Variants in LSMEM2 observed in about 807,000 individuals in gnomAD.
The protein encoded by LSMEM2 is leucine rich single-pass membrane protein 2.
A neutral mutation model predicts 17.3 loss-of-function variants in LSMEM2; 20 were observed. That is an observed-to-expected ratio of 1.16 (90% CI 0.81 to 1.68). LSMEM2 has a LOEUF of 1.68. Ranked by LOEUF, LSMEM2 falls within the 40% of genes most tolerant of loss-of-function variation. LSMEM2 has a pLI of 0.00. For synonymous variants in LSMEM2, 94 were observed against 97.8 expected, an observed-to-expected ratio of 0.96 and a Z score of 0.23; for missense variants, 207 against 214.3, an observed-to-expected ratio of 0.97 and a Z score of 0.21.
At chr3:50,286,956 TGCA>T in intron 3 of LSMEM2, 94 bp downstream of exon 3, 2 of 1,584,514 alleles carry the variant, frequency 1.3e-6, no homozygotes, top group Non-Finnish European at 1.7e-6. Context: ...CTGCAGATGC[TGCA>T]GCAGTGAAGG....
intron 1 of LSMEM2, among the ~76,000 whole-genome samples, chr3:50,282,468 A>G (rs1553707885): frequency 6.6e-6 from 1 of 152,226 alleles, no homozygotes; most frequent in African/African-American, 2.4e-5. Context: ...CCTTGCTCCT[A>G]TCTGGAGGTG....
At chr3:50,280,177 C>CATTTTT (rs371839915) in intron 1 of LSMEM2, among the ~76,000 whole-genome samples, 2 of 117,672 alleles carry the variant, frequency 1.7e-5, no homozygotes, top group African/African-American at 7.0e-5. Flanking sequence ...CTGGCCTCAA[C>CATTTTT]TTTTTTTTTT....
intron 1 of LSMEM2, among the ~76,000 whole-genome samples, chr3:50,283,559 G>A (rs1257765081): frequency 6.6e-6 from 1 of 151,446 alleles, no homozygotes; most frequent in Non-Finnish European, 1.5e-5. Context: ...CCTGGGAGGC[G>A]GAGCTTGCAG....
intron 1 of LSMEM2, among the ~76,000 whole-genome samples, chr3:50,285,980 A>AAAAC (rs1701511146): frequency 1.3e-5 from 2 of 152,256 alleles, no homozygotes; most frequent in Non-Finnish European, 2.9e-5. Context: ...ATGTTGAATG[A>AAAAC]AAACAGCAGG....
upstream of LSMEM2, among the ~76,000 whole-genome samples, chr3:50,278,199 A>G (rs587613668): frequency 8.7e-4 from 133 of 152,312 alleles, no homozygotes; most frequent in African/African-American, 3.0e-3. Context: ...TGAGGTGTGT[A>G]GGAAGTAGAG....
intron 1 of LSMEM2, among the ~76,000 whole-genome samples, chr3:50,281,022 AGT>A (rs1434162915): frequency 3.9e-5 from 6 of 152,036 alleles, no homozygotes; most frequent in African/African-American, 1.2e-4. Flanking sequence ...CAATTTAGAA[AGT>A]GTGAGAAAAG....
intron 1 of LSMEM2, among the ~76,000 whole-genome samples, chr3:50,283,406 T>C (rs915016454): frequency 6.6e-6 from 1 of 151,886 alleles, no homozygotes; most frequent in Non-Finnish European, 1.5e-5. Flanking sequence ...GGCAGACGGA[T>C]CACAAGGTTA....
chr3:50,279,349 G>A (rs1370171010), intron 1 of LSMEM2, among the ~76,000 whole-genome samples, 178 bp downstream of exon 1: 1 of 152,202 alleles, frequency 6.6e-6, no homozygotes, highest in African/African-American at 2.4e-5. Flanking sequence ...AGCCTGCCAT[G>A]CCTGGAGCCC....
rs781951795 is a variant in LSMEM2, at chr3:50,286,878, G to A, written c.361+16G>A. ...TACCTGAGCGGTATGGACGCATAGG[G>A]TGCTAGTAGGAATGGAAAGCAAGGC... On this transcript the variant is annotated intron_variant, in intron 3 of 3. Coordinates refer to ENST00000316436, the MANE Select transcript of LSMEM2 (RefSeq NM_153215.3). The A allele has an allele frequency of 1.2e-5, 20 of 1,611,502 alleles. No individual in the cohort carries two copies. In the Admixed American group the frequency reaches 3.0e-4, roughly 24 times the overall value.
chr3:50,287,097 G>A lies in LSMEM2; in HGVS notation c.390G>A (p.Leu130=), dbSNP rs1553708669. The A allele has an allele frequency of 7.4e-6, 12 of 1,614,174 alleles. No homozygotes were observed. The part of the protein sequence containing the change: ...SVLQSESLRI[L]AHTLRTQEET... ...TGCAGAGTGAATCCCTGCGCATCCT[G>A]GCACACACGCTCCGCACGCAGGAGG... Residue 130 remains leucine (L), a synonymous_variant, in exon 4 of 4, where the codon CTG becomes CTA. Transcript: ENST00000316436.
At chr3:50,284,728 G>A (rs1363096499) in intron 1 of LSMEM2, among the ~76,000 whole-genome samples, 1 of 151,822 alleles carries the variant, frequency 6.6e-6, no homozygotes, top group Admixed American at 6.6e-5. Flanking sequence ...GTAAGAATCT[G>A]TCTCAAAAAC....
Position 50,287,405 on chromosome 3 carries a change from C to T in LSMEM2, c.*203C>T. On this transcript the variant is annotated 3_prime_UTR_variant, in exon 4 of 4. Coordinates refer to ENST00000316436, the MANE Select transcript of LSMEM2 (RefSeq NM_153215.3). ...CCAGGCCTAGCCAAGCCTCTGGTGC[C>T]AAAGCCTCGCTTTGGGTGGCCCAAG... is the stretch of plus-strand genomic sequence containing the variant. 1 of 717,232 alleles carries T rather than the reference C, an allele frequency of 1.4e-6. No individual in the cohort carries two copies. The highest frequency in any genetic ancestry group is 2.2e-6 in the Non-Finnish European group (1 of 446,346). 44.4% of individuals were successfully genotyped at this position (717,232 alleles called of 1,614,324 possible).
intron 1 of LSMEM2, among the ~76,000 whole-genome samples, chr3:50,282,413 T>C (rs1357533336): frequency 6.6e-6 from 1 of 152,080 alleles, no homozygotes; most frequent in East Asian, 1.9e-4. Flanking sequence ...ATCATGGAGG[T>C]TGAGTTACTG....
chr3:50,282,679 G>C (rs1553707921), intron 1 of LSMEM2, among the ~76,000 whole-genome samples: 1 of 151,650 alleles, frequency 6.6e-6, no homozygotes, highest in African/African-American at 2.4e-5. Context: ...GAGGTCAGGA[G>C]TTCAAGACCA....
At position 50,287,056 on chromosome 3, in the gene LSMEM2, T is replaced by G; in HGVS notation, c.362-13T>G. 2 of 1,613,800 alleles carry G rather than the reference T, an allele frequency of 1.2e-6. No homozygotes were observed. The highest frequency in any genetic ancestry group is 8.5e-7 in the Non-Finnish European group (1 of 1,179,740). On this transcript the variant is annotated splice_polypyrimidine_tract_variant and intron_variant, in intron 3 of 3. Transcript: ENST00000316436. ...GGCACATGGTCTGATGATCCCCCAC[T>G]TCCCATTCACAGTGCTGCAGAGTGA...
chr3:50,280,751 G>A (rs772817319), intron 1 of LSMEM2, among the ~76,000 whole-genome samples: 14 of 151,656 alleles, frequency 9.2e-5, no homozygotes, highest in Non-Finnish European at 1.8e-4. Context: ...CCGCCACTAC[G>A]CCTGGCTAAT....
chr3:50,281,399 G>A (rs1241332763), intron 1 of LSMEM2, among the ~76,000 whole-genome samples: 1 of 127,808 alleles, frequency 7.8e-6, no homozygotes, highest in African/African-American at 3.0e-5. Flanking sequence ...GTCTTGCTCT[G>A]TCGCCCCGGG....
rs1320356178 is a variant in LSMEM2, at chr3:50,287,335, CTGT to C, written c.*138_*140del. On this transcript the variant is annotated 3_prime_UTR_variant, in exon 4 of 4. Coordinates refer to ENST00000316436, the MANE Select transcript of LSMEM2 (RefSeq NM_153215.3). ...CTTGGTGAGATTTTTGTACAAGAAC[CTGT>C]TGTTAACTTAATGGCTGCCTCCCTC... 1.5e-5 allele frequency: 18 copies of C among 1,196,274 alleles called. No individual in the cohort carries two copies. Among genetic ancestry groups the C allele is most frequent in the Middle Eastern group, 2.3e-4 (1 of 4,442 alleles). 74.1% of individuals were successfully genotyped at this position (1,196,274 alleles called of 1,614,324 possible).
chr3:50,288,107 CTGG>C lies in LSMEM2; in HGVS notation c.*909_*911del, dbSNP rs1701591066. 2.5e-6 allele frequency: 3 copies of C among 1,199,940 alleles called. No homozygotes were observed. In the East Asian group the frequency reaches 7.5e-5, roughly 30 times the overall value. The allele number at this position is 1,199,940 out of a possible 1,614,324, so 74.3% of individuals were successfully genotyped here. A position where few individuals can be genotyped will look rare whatever the true frequency, so the allele number is the denominator to read the frequency against. ...ATTAAAAAAAATAAAGTGACAAATA[CTGG>C]TGGAGACCAGTTGTTGCACTGTCTT... On this transcript the variant is annotated 3_prime_UTR_variant, in exon 4 of 4. Coordinates refer to ENST00000316436, the MANE Select transcript of LSMEM2 (RefSeq NM_153215.3).
Sources: gnomAD v4.1 joint callset for allele counts (sites outside exome capture counted in the v4.1 genomes callset) on GRCh38, gnomAD v4.1.1 for gene constraint, MANE v1.5 for transcripts, NCBI Gene and HGNC (gene_info 2026-07-23, HGNC 2026-07-21) for gene names.